Variants in DSCAM observed in about 807,000 individuals in gnomAD.
DSCAM encodes cell adhesion molecule DSCAM.
In DSCAM, 47 loss-of-function variants were observed where a neutral mutation model predicts 217.7. The observed-to-expected ratio is 0.22, with a 90% CI of 0.17 to 0.28. The LOEUF is 0.28. Among genes scored for constraint, DSCAM ranks in the 10% least tolerant of loss-of-function variants. The pLI is 1.00. For missense variants in DSCAM, 2,080 were observed against 2,618.3 expected, an observed-to-expected ratio of 0.79 and a Z score of 4.49; for synonymous variants, 1,056 against 1,015.3, an observed-to-expected ratio of 1.04 and a Z score of -0.76.
chr21:40,426,878 T>C lies in DSCAM; in HGVS notation c.509-57633A>G, dbSNP rs934086009. 5.3e-5 allele frequency among the ~76,000 whole-genome samples: 8 copies of C among 152,064 alleles called. No homozygotes were observed. The South Asian group carries it at 1.0e-3, about 20-fold the overall frequency. On this transcript the variant is annotated intron_variant, in intron 3 of 32. Transcript: ENST00000400454. Reference sequence around the variant, plus strand: ...CCCAAACCGTCATCTTGGCTCACATTTGCTCTTTCTTCATTGGTACTTGGC... The same window carrying C: ...CCCAAACCGTCATCTTGGCTCACATCTGCTCTTTCTTCATTGGTACTTGGC...
intron 15 of DSCAM, among the ~76,000 whole-genome samples, chr21:40,178,686 G>T (rs1025606854): frequency 6.6e-6 from 1 of 152,166 alleles, no homozygotes. Context: ...AGCCTCATAC[G>T]TCTTTCTTTT....
chr21:40,312,239 C>T lies in DSCAM; in HGVS notation c.1904G>A (p.Arg635Gln), dbSNP rs755676603. 1.2e-5 allele frequency: 20 copies of T among 1,613,956 alleles called. No individual in the cohort carries two copies. Among genetic ancestry groups the T allele is most frequent in the Middle Eastern group, 3.3e-4 (2 of 6,082 alleles). ...PITITWQKDG[R>Q]PIPGSLGVTI... ...CACCCCAAGGCTCCCAGGGATTGGC[C>T]GGCCATCCTTCTGCCAGGTGATCGT... Residue 635 changes from arginine (R) to glutamine (Q), a missense_variant, in exon 9 of 33, where the codon CGG becomes CAG. Around this residue, in one of 5 missense-constraint regions of DSCAM, gnomAD observed 218 missense variants for 364.1 expected, o/e 0.60. Coordinates refer to ENST00000400454, the MANE Select transcript of DSCAM (RefSeq NM_001389.5).
chr21:40,501,543 GC>G (rs75239155), intron 3 of DSCAM, among the ~76,000 whole-genome samples: 9,304 of 152,206 alleles, frequency 0.061, 397 homozygotes, highest in African/African-American at 0.12. Context: ...TCCATGAGCT[GC>G]CTCTTTTCTC....
chr21:40,531,216 T>A (rs1232026146), intron 3 of DSCAM, among the ~76,000 whole-genome samples: 1 of 152,112 alleles, frequency 6.6e-6, no homozygotes, highest in East Asian at 1.9e-4. Flanking sequence ...CACCTGCAGC[T>A]TGCCTTTTGC....
intron 3 of DSCAM, among the ~76,000 whole-genome samples, chr21:40,685,118 A>G (rs1401433232): frequency 2.0e-5 from 3 of 152,240 alleles, no homozygotes; most frequent in Non-Finnish European, 4.4e-5. Context: ...CATAAAGCAT[A>G]GATTTTCTTC....
intron 27 of DSCAM, among the ~76,000 whole-genome samples, chr21:40,072,378 G>T (rs1414720102): frequency 1.4e-5 from 2 of 143,576 alleles, no homozygotes; most frequent in East Asian, 2.1e-4. Context: ...ACAGAGTCTC[G>T]CTCTGTCACC....
chr21:40,620,832 A>C (rs2089504728), intron 3 of DSCAM, among the ~76,000 whole-genome samples: 1 of 152,264 alleles, frequency 6.6e-6, no homozygotes, highest in South Asian at 2.1e-4. Context: ...ATGTCCCATC[A>C]CTAAAAACAA....
At chr21:40,459,532 T>C (rs901046417) in intron 3 of DSCAM, among the ~76,000 whole-genome samples, 1 of 152,140 alleles carries the variant, frequency 6.6e-6, no homozygotes, top group African/African-American at 2.4e-5. Flanking sequence ...CCAAGATCCA[T>C]GCACAATAGA....
intron 3 of DSCAM, among the ~76,000 whole-genome samples, chr21:40,435,477 T>C (rs2075574555): frequency 6.6e-6 from 1 of 151,748 alleles, no homozygotes; most frequent in Non-Finnish European, 1.5e-5. Flanking sequence ...AACCTGAACA[T>C]GTACCCCTGA....
rs754195349 is a variant in DSCAM at position 40,250,773 on chromosome 21, A to G, written c.2356+25324T>C. On this transcript the variant is annotated intron_variant, in intron 11 of 32. Coordinates refer to ENST00000400454, the MANE Select transcript of DSCAM (RefSeq NM_001389.5). ...GACTTGAAAGATTACTGACATGTTC[A>G]TGTTCATGGAGGTGGCCGGAAGTAA... Among the ~76,000 whole-genome samples, 6 of 152,170 alleles carry G rather than the reference A, an allele frequency of 3.9e-5. No individual in the cohort carries two copies. In the South Asian group the frequency reaches 1.2e-3, roughly 32 times the overall value.
chr21:40,117,434 G>C (rs73223299), intron 20 of DSCAM, among the ~76,000 whole-genome samples: 6 of 152,182 alleles, frequency 3.9e-5, no homozygotes, highest in Non-Finnish European at 5.9e-5. Context: ...TCAGCCCGCT[G>C]TGGGTTGCAG....
chr21:40,453,120 T>C (rs372956403), intron 3 of DSCAM, among the ~76,000 whole-genome samples: 4 of 146,760 alleles, frequency 2.7e-5, no homozygotes, highest in South Asian at 2.3e-4. Context: ...TACACATACA[T>C]GCAAACACAC....
chr21:40,134,073 A>G, intron 18 of DSCAM, 64 bp from the exon 19 acceptor site: 4 of 1,543,424 alleles, frequency 2.6e-6, no homozygotes, highest in Non-Finnish European at 3.5e-6. Flanking sequence ...GTTTTTCCGC[A>G]CTGTCCCCAC....
chr21:40,727,999 G>A (rs1257405714), intron 1 of DSCAM, among the ~76,000 whole-genome samples: 28 of 152,006 alleles, frequency 1.8e-4, no homozygotes, highest in Non-Finnish European at 1.5e-5. Flanking sequence ...AAACTCCCTG[G>A]CTCACCTTTT....
At chr21:40,585,027 T>C (rs13049229) in intron 3 of DSCAM, among the ~76,000 whole-genome samples, 10,011 of 152,116 alleles carry the variant, frequency 0.066, 377 homozygotes, top group South Asian at 0.15. Flanking sequence ...ACCACCCTCC[T>C]CTCGCTCTTG....
At chr21:40,086,286 A>G (rs1272168311) in intron 22 of DSCAM, among the ~76,000 whole-genome samples, 1 of 152,262 alleles carries the variant, frequency 6.6e-6, no homozygotes, top group Non-Finnish European at 1.5e-5. Context: ...CTGCGTGGCC[A>G]TCATAACCAC....
rs188209873 is a variant in DSCAM, at chr21:40,028,841, C to T, written c.5686+13530G>A. On this transcript the variant is annotated intron_variant, in intron 32 of 32. Coordinates refer to ENST00000400454, the MANE Select transcript of DSCAM (RefSeq NM_001389.5). ...GCTGCAGACCGGAGCTGTTCCTATT[C>T]GCACTTATTTTCCATTCTTGCCCTT... Among the ~76,000 whole-genome samples the T allele has an allele frequency of 5.9e-5, 9 of 152,326 alleles. No individual in the cohort carries two copies. In the South Asian group the frequency reaches 6.2e-4, roughly 11 times the overall value.
At position 40,338,102 on chromosome 21, in the gene DSCAM, T is replaced by A; in HGVS notation, c.1782A>T (p.Lys594Asn). 1 of 1,613,612 alleles carries A rather than the reference T, an allele frequency of 6.2e-7. No homozygotes were observed. The highest frequency in any genetic ancestry group is 1.8e-4 in the Middle Eastern group (1 of 5,692). Reference sequence around the variant, plus strand: ...GGGAACCAGGAGAACAGGGCTTACCTTTCACGGTCACGTGGACGCTCTGGC... The same window carrying A: ...GGGAACCAGGAGAACAGGGCTTACCATTCACGGTCACGTGGACGCTCTGGC... The part of the protein sequence containing the change: ...STSQSVHVTV[K>N]VPPFIQPFEF... Residue 594 changes from lysine (K) to asparagine (N), a missense_variant and splice_region_variant, in exon 8 of 33, where the codon AAA becomes AAT. Physicochemically the swap from Lys to Asn is moderately conservative, Grantham distance 94. Around this residue, in one of 5 missense-constraint regions of DSCAM, gnomAD observed 218 missense variants for 364.1 expected, o/e 0.60. Coordinates refer to ENST00000400454, the MANE Select transcript of DSCAM (RefSeq NM_001389.5).
chr21:40,226,819 G>A (rs1601460633), intron 11 of DSCAM, among the ~76,000 whole-genome samples: 1 of 152,110 alleles, frequency 6.6e-6, no homozygotes, highest in African/African-American at 2.4e-5. Flanking sequence ...TGTCACGGGG[G>A]TTTGTTGTAC....
Sources: allele counts gnomAD v4.1 joint callset (sites outside exome capture counted in the v4.1 genomes callset), GRCh38; gene constraint gnomAD v4.1.1; regional missense constraint gnomAD v4.1.1; transcripts MANE v1.5; gene names NCBI Gene and HGNC (gene_info 2026-07-23, HGNC 2026-07-21).